Variants in IMMP2L observed in about 807,000 individuals in gnomAD.
IMMP2L encodes mitochondrial inner membrane protease subunit 2.
IMMP2L carries 18 observed loss-of-function variants against 19.3 expected under a neutral mutation model. That is an observed-to-expected ratio of 0.93 (90% CI 0.64 to 1.38). The LOEUF (loss-of-function observed/expected upper bound fraction) is 1.38, where lower values mean the gene tolerates loss of function less well. Among genes scored for constraint, IMMP2L ranks in the 40% most tolerant of loss-of-function variants. The pLI is 0.00. For missense variants in IMMP2L, 233 were observed against 218.2 expected, an observed-to-expected ratio of 1.07 and a Z score of -0.43; for synonymous variants, 76 against 73.0, an observed-to-expected ratio of 1.04 and a Z score of -0.21.
At chr7:111,544,973 A>C (rs1848789411) in intron 1 of IMMP2L, among the ~76,000 whole-genome samples, 2 of 152,020 alleles carry the variant, frequency 1.3e-5, no homozygotes, top group Non-Finnish European at 1.5e-5. Context: ...AAAAACCCCA[A>C]TCCTCTCTCT....
chr7:111,286,754 C>A (rs1820527986), intron 3 of IMMP2L, among the ~76,000 whole-genome samples: 1 of 151,934 alleles, frequency 6.6e-6, no homozygotes, highest in Admixed American at 6.6e-5. Context: ...TGGAGAGTAC[C>A]CCACTCCTAA....
intron 3 of IMMP2L, among the ~76,000 whole-genome samples, chr7:111,466,233 A>G (rs59054464): frequency 0.023 from 3,541 of 152,190 alleles, 142 homozygotes; most frequent in African/African-American, 0.08. Flanking sequence ...TTAAATGACA[A>G]GTTAACGTTA....
intron 3 of IMMP2L, among the ~76,000 whole-genome samples, chr7:111,404,394 A>C (rs1469860894): frequency 6.6e-6 from 1 of 152,146 alleles, no homozygotes; most frequent in Non-Finnish European, 1.5e-5. Flanking sequence ...ACATAACAGA[A>C]TATACATGCA....
intron 4 of IMMP2L, among the ~76,000 whole-genome samples, chr7:110,913,108 G>T (rs1813233308): frequency 6.6e-6 from 1 of 152,074 alleles, no homozygotes; most frequent in Non-Finnish European, 1.5e-5. Context: ...TCTGACTTAG[G>T]ATTACTAGGA....
At position 111,212,140 on chromosome 7, in the gene IMMP2L, ATCTCTCTGTCTC is replaced by A. The variant is rs371539864; in HGVS notation, c.240-248587_240-248576del. 4.5e-3 allele frequency among the ~76,000 whole-genome samples: 682 copies of A among 151,778 alleles called. 4 individuals carry two copies. The highest frequency in any genetic ancestry group is 0.015 in the African/African-American group (603 of 41,370). ...TCTTCATCTTGATCTATTAAACCAG[ATCTCTCTGTCTC>A]TCTCTCTGTCTCTATCTCTATCTCT... is the stretch of plus-strand genomic sequence containing the variant. On this transcript the variant is annotated intron_variant, in intron 3 of 5. Transcript: ENST00000405709.
At chr7:111,044,632 GC>G (rs1429346069) in intron 3 of IMMP2L, among the ~76,000 whole-genome samples, 1 of 152,142 alleles carries the variant, frequency 6.6e-6, no homozygotes, top group African/African-American at 2.4e-5. Context: ...AATCAGATAA[GC>G]CATTTGTCAA....
chr7:110,912,756 C>G (rs1016907037), intron 4 of IMMP2L, among the ~76,000 whole-genome samples: 1 of 151,960 alleles, frequency 6.6e-6, no homozygotes, highest in South Asian at 2.1e-4. Context: ...AAAGTAGTTG[C>G]TACTTGCTCC....
chr7:110,828,841 T>G (rs1481893173), intron 5 of IMMP2L, among the ~76,000 whole-genome samples: 1 of 152,162 alleles, frequency 6.6e-6, no homozygotes, highest in East Asian at 1.9e-4. Flanking sequence ...TAATACTATC[T>G]TTCAAAATGC....
intron 3 of IMMP2L, among the ~76,000 whole-genome samples, chr7:110,972,657 A>C (rs1460799612): frequency 6.6e-6 from 1 of 152,136 alleles, no homozygotes; most frequent in African/African-American, 2.4e-5. Flanking sequence ...CAACAACAGA[A>C]GAAAAACAGG....
chr7:111,016,512 TTA>T (rs1825576515), intron 3 of IMMP2L, among the ~76,000 whole-genome samples: 1 of 120,500 alleles, frequency 8.3e-6, no homozygotes, highest in Non-Finnish European at 1.6e-5. Flanking sequence ...TTTATGTATT[TTA>T]TATTATATAT....
intron 3 of IMMP2L, among the ~76,000 whole-genome samples, chr7:111,314,451 T>A (rs1823839333): frequency 6.6e-6 from 1 of 152,142 alleles, no homozygotes; most frequent in Non-Finnish European, 1.5e-5. Flanking sequence ...ATACAATTGA[T>A]TGAATGATGT....
intron 3 of IMMP2L, among the ~76,000 whole-genome samples, chr7:111,071,272 T>TA (rs1794925421): frequency 6.6e-6 from 1 of 152,090 alleles, no homozygotes; most frequent in African/African-American, 2.4e-5. Flanking sequence ...AATGTAACCC[T>TA]CATACATAGC....
chr7:110,916,265 C>T (rs1021281313), intron 4 of IMMP2L, among the ~76,000 whole-genome samples: 6 of 152,126 alleles, frequency 3.9e-5, no homozygotes, highest in East Asian at 3.9e-4. Context: ...ATGCTTGTAA[C>T]GCAATCATGA....
intron 4 of IMMP2L, among the ~76,000 whole-genome samples, chr7:110,948,483 C>G (rs765924084): frequency 6.6e-6 from 1 of 152,160 alleles, no homozygotes; most frequent in Non-Finnish European, 1.5e-5. Flanking sequence ...GCCACCAAAA[C>G]ATAACTGGAG....
intron 4 of IMMP2L, among the ~76,000 whole-genome samples, chr7:110,929,590 A>G (rs560500140): frequency 6.6e-6 from 1 of 152,320 alleles, no homozygotes; most frequent in Non-Finnish European, 1.5e-5. Context: ...AATGTGCTTC[A>G]CTGAAACTGC....
intron 5 of IMMP2L, among the ~76,000 whole-genome samples, chr7:110,858,011 A>C (rs772300539): frequency 3.9e-5 from 6 of 152,102 alleles, no homozygotes; most frequent in Non-Finnish European, 8.8e-5. Context: ...CAGGAAGCTC[A>C]TAACCAAACA....
chr7:110,717,399 A>G (rs1795298114), intron 5 of IMMP2L, among the ~76,000 whole-genome samples: 2 of 152,218 alleles, frequency 1.3e-5, no homozygotes, highest in Non-Finnish European at 2.9e-5. Flanking sequence ...CAGGAGGCGG[A>G]GCTTGCAGTG....
At chr7:110,800,162 G>T (rs1801145846) in intron 5 of IMMP2L, among the ~76,000 whole-genome samples, 1 of 151,890 alleles carries the variant, frequency 6.6e-6, no homozygotes, top group African/African-American at 2.4e-5. Context: ...GTTTGTTGTT[G>T]CTGTACATTC....
intron 3 of IMMP2L, among the ~76,000 whole-genome samples, chr7:111,240,452 C>T (rs1814872405): frequency 6.6e-6 from 1 of 151,910 alleles, no homozygotes; most frequent in African/African-American, 2.4e-5. Flanking sequence ...ACAGAAACTG[C>T]AGTCAATTAT....
Sources: gnomAD v4.1 joint callset for allele counts (sites outside exome capture counted in the v4.1 genomes callset) on GRCh38, gnomAD v4.1.1 for gene constraint, MANE v1.5 for transcripts, NCBI Gene and HGNC (gene_info 2026-07-23, HGNC 2026-07-21) for gene names.